SSC4D: variants seen among roughly 807,000 people sequenced by gnomAD.
SSC4D encodes the protein scavenger receptor cysteine rich family member with 4 domains, also known as scavenger receptor cysteine-rich domain-containing group B protein.
A neutral mutation model predicts 63.4 loss-of-function variants in SSC4D; 57 were observed. The ratio of observed to expected loss-of-function variants is 0.90; its 90% confidence interval spans 0.73 to 1.12. SSC4D has a LOEUF of 1.12. SSC4D is among the 50% of genes most tolerant of loss of function. The pLI, the probability that SSC4D is intolerant of heterozygous loss-of-function variation, is 0.00. For synonymous variants in SSC4D, 352 were observed against 345.4 expected, an observed-to-expected ratio of 1.02 and a Z score of -0.21; for missense variants, 791 against 806.4, an observed-to-expected ratio of 0.98 and a Z score of 0.23.
chr7:76,391,408 G>A (rs1804490990), intron 10 of SSC4D, among the ~76,000 whole-genome samples: 1 of 152,174 alleles, frequency 6.6e-6, no homozygotes, highest in South Asian at 2.1e-4. Flanking sequence ...CTGGGTGACA[G>A]AGCAAGACTC....
At position 76,400,567 on chromosome 7, in the gene SSC4D, C is replaced by T. The variant is rs1244716092; in HGVS notation, c.194G>A (p.Ser65Asn). ...FQELRLVGGPSRCRGRLEVMH... is the reference protein window; with the variant it reads ...FQELRLVGGPNRCRGRLEVMH... Reference sequence around the variant, plus strand: ...GACTTCCAGGCGGCCCCGGCAGCGGCTGGGGCCCCCCACCAGCCTCAGCTC... The same window carrying T: ...GACTTCCAGGCGGCCCCGGCAGCGGTTGGGGCCCCCCACCAGCCTCAGCTC... Residue 65 changes from serine (S) to asparagine (N), a missense_variant, in exon 4 of 11, where the codon AGC (serine) becomes AAC (asparagine). Physicochemically the swap from Ser to Asn is conservative, Grantham distance 46. Coordinates refer to ENST00000275560, the MANE Select transcript of SSC4D (RefSeq NM_080744.2). The T allele has an allele frequency of 2.7e-6, 4 of 1,488,590 alleles. No individual in the cohort carries two copies. The African/African-American group carries it at 5.7e-5, about 21-fold the overall frequency. 92.2% of individuals were successfully genotyped at this position (1,488,590 alleles called of 1,614,324 possible). A position where few individuals can be genotyped will look rare whatever the true frequency, so the allele number is the denominator to read the frequency against.
rs746785580 is a variant in SSC4D at position 76,397,553 on chromosome 7, C to T, written c.833G>A (p.Cys278Tyr). The part of the protein sequence containing the change: ...CQSLGWGVHN[C>Y]GHHEDAGALC... ...CGCGCCCGCGTCCTCGTGGTGGCCGCAGTTGTGCACACCCCAGCCCAGGCT... is the reference window on the plus strand; with the variant it reads ...CGCGCCCGCGTCCTCGTGGTGGCCGTAGTTGTGCACACCCCAGCCCAGGCT... The change falls in exon 6 of 11, where the codon TGC (cysteine) becomes TAC (tyrosine). Residue 278 changes from cysteine to tyrosine, a missense_variant. By Grantham distance (194) the Cys-to-Tyr change is radical. Transcript: ENST00000275560. 44 of 1,598,870 alleles carry T rather than the reference C, an allele frequency of 2.8e-5. No individual in the cohort carries two copies. In the East Asian group the frequency reaches 9.7e-4, roughly 35 times the overall value.
Position 76,392,041 on chromosome 7 carries a change from C to T in SSC4D, c.1334G>A (p.Gly445Asp), listed in dbSNP as rs1175248900. ...HHEDAGALCA[G>D]PEELGLQVQQ... ...GACTTGCAGTCCCAGCTCCTCTGGG[C>T]CTGGTTCAGGAAGGACAGAGATAAA... Residue 445 changes from glycine to aspartate, a missense_variant and splice_region_variant, in exon 10 of 11, where the codon GGC (glycine) becomes GAC (aspartate). Physicochemically the swap from Gly to Asp is moderately conservative, Grantham distance 94. Transcript: ENST00000275560. 1.3e-6 allele frequency: 2 copies of T among 1,568,818 alleles called. No homozygotes were observed.
At chr7:76,390,994 G>C (rs1804483629) in intron 10 of SSC4D, among the ~76,000 whole-genome samples, 1 of 152,100 alleles carries the variant, frequency 6.6e-6, no homozygotes, top group South Asian at 2.1e-4. Flanking sequence ...AATTAGCCGG[G>C]TGTGGTGGTG....
intron 1 of SSC4D, among the ~76,000 whole-genome samples, chr7:76,405,345 T>TCTTTCTTTCTTTC (rs1364831511): frequency 3.8e-5 from 4 of 105,174 alleles, no homozygotes; most frequent in African/African-American, 6.9e-5. Context: ...CTTTCTTTTT[T>TCTTTCTTTCTTTC]TTTTTTTTTT....
rs1804568942 is a variant in SSC4D at position 76,393,922 on chromosome 7, C to T, written c.947-18G>A. On this transcript the variant is annotated intron_variant, in intron 7 of 10. Coordinates refer to ENST00000275560, the MANE Select transcript of SSC4D (RefSeq NM_080744.2). ...TCCTGTAGCTGTGGAGACAGGGCAT[C>T]TAGGGCGTTCGAAGGGGACGAGGAG... The T allele has an allele frequency of 4.4e-6, 7 of 1,588,338 alleles. No homozygotes were observed. The highest frequency in any genetic ancestry group is 5.1e-6 in the Non-Finnish European group (6 of 1,166,024).
chr7:76,393,472 G>A lies in SSC4D; in HGVS notation c.1266C>T (p.Asp422=). Residue 422 remains aspartate, a synonymous_variant, in exon 9 of 11, where the codon GAC becomes GAT. Coordinates refer to ENST00000275560, the MANE Select transcript of SSC4D (RefSeq NM_080744.2). Reference sequence around the variant, plus strand: ...GCTGGCCCCAGCCCAGGTGGAAGCAGTCGCTCAGGCGAGCCTCGGTGCCGG... The same window carrying A: ...GCTGGCCCCAGCCCAGGTGGAAGCAATCGCTCAGGCGAGCCTCGGTGCCGG... ...GCAGTEARLS[D]CFHLGWGQHN... is the part of the protein sequence containing the mutation. 1.3e-6 allele frequency: 2 copies of A among 1,528,224 alleles called. No individual in the cohort carries two copies. The highest frequency in any genetic ancestry group is 1.7e-6 in the Non-Finnish European group (2 of 1,145,438). 94.7% of individuals were successfully genotyped at this position (1,528,224 alleles called of 1,614,324 possible). A position where few individuals can be genotyped will look rare whatever the true frequency, so the allele number is the denominator to read the frequency against.
intron 4 of SSC4D, among the ~76,000 whole-genome samples, chr7:76,399,105 T>C (rs976774770): frequency 2.0e-5 from 3 of 151,914 alleles, no homozygotes; most frequent in African/African-American, 7.3e-5. Flanking sequence ...TCCGCCTCCC[T>C]GGTTAAAGCA....
At chr7:76,404,583 G>A in intron 1 of SSC4D, 78 bp from the exon 2 acceptor site, 2 of 1,280,528 alleles carry the variant, frequency 1.6e-6, no homozygotes, top group East Asian at 2.3e-5. Flanking sequence ...CTTGCACCCA[G>A]GGGTTTGAGA....
chr7:76,404,475 A>C lies in SSC4D; in HGVS notation c.-36T>G. The C allele has an allele frequency of 6.2e-7, 1 of 1,613,670 alleles. No individual in the cohort carries two copies. Among genetic ancestry groups the C allele is most frequent in the Non-Finnish European group, 8.5e-7 (1 of 1,179,958 alleles). On this transcript the variant is annotated 5_prime_UTR_variant, in exon 2 of 11. Coordinates refer to ENST00000275560, the MANE Select transcript of SSC4D (RefSeq NM_080744.2). ...AAGGGTGTTTCAGATGCTCCCATCAAGGCGCCAGGGAGAAGTCACAGTTGG... is the reference window on the plus strand; with the variant it reads ...AAGGGTGTTTCAGATGCTCCCATCACGGCGCCAGGGAGAAGTCACAGTTGG...
At chr7:76,403,042 C>A (rs1804880127) in intron 2 of SSC4D, among the ~76,000 whole-genome samples, 2 of 152,164 alleles carry the variant, frequency 1.3e-5, no homozygotes, top group South Asian at 4.1e-4. Context: ...ACAGACAGGG[C>A]AACTTCAGGG....
At chr7:76,405,339 CTT>C (rs1193527373) in intron 1 of SSC4D, among the ~76,000 whole-genome samples, 16 of 21,386 alleles carry the variant, frequency 7.5e-4, no homozygotes, top group African/African-American at 2.3e-3. Flanking sequence ...TTCTTTCTTT[CTT>C]TTTTTTTTTT....
chr7:76,394,821 T>G (rs1162874597), intron 7 of SSC4D, among the ~76,000 whole-genome samples: 1 of 142,508 alleles, frequency 7.0e-6, no homozygotes, highest in Non-Finnish European at 1.5e-5. Flanking sequence ...ATGTGTATAA[T>G]ATATATGATA....
At chr7:76,401,070 GC>G in intron 2 of SSC4D, 27 bp from the exon 3 acceptor site, 2 of 1,527,528 alleles carry the variant, frequency 1.3e-6, no homozygotes, top group Non-Finnish European at 1.8e-6. Flanking sequence ...AAGAGCATTG[GC>G]CCCTCTGCCC....
intron 7 of SSC4D, among the ~76,000 whole-genome samples, chr7:76,394,863 TAAG>T (rs1804601430): frequency 7.6e-6 from 1 of 132,384 alleles, no homozygotes; most frequent in African/African-American, 3.6e-5. Context: ...ATAATATATA[TAAG>T]ATATTTATTT....
chr7:76,397,359 T>C (rs1368694212), intron 6 of SSC4D, among the ~76,000 whole-genome samples, 159 bp downstream of exon 6: 1 of 152,204 alleles, frequency 6.6e-6, no homozygotes, highest in African/African-American at 2.4e-5. Flanking sequence ...AGGACTGAGA[T>C]AGAAGTAATT....
chr7:76,408,112 G>GGGGAC (rs1805100519), intron 1 of SSC4D, among the ~76,000 whole-genome samples: 1 of 152,146 alleles, frequency 6.6e-6, no homozygotes, highest in Admixed American at 6.6e-5. Flanking sequence ...GGATGGTTCT[G>GGGGAC]TTTGGGCTAC....
At chr7:76,408,951 C>T (rs1419015094) in intron 1 of SSC4D, among the ~76,000 whole-genome samples, 3 of 152,212 alleles carry the variant, frequency 2.0e-5, no homozygotes, top group Non-Finnish European at 4.4e-5. Flanking sequence ...CTTGCAAAGC[C>T]TCACTGTTCT....
chr7:76,405,249 G>T (rs1421890690), intron 1 of SSC4D, among the ~76,000 whole-genome samples: 1 of 97,580 alleles, frequency 1.0e-5, no homozygotes, highest in Non-Finnish European at 2.1e-5. Context: ...GATTACAGGC[G>T]TGCATCACCA....
Sources: allele counts gnomAD v4.1 joint callset (sites outside exome capture counted in the v4.1 genomes callset), GRCh38; gene constraint gnomAD v4.1.1; transcripts MANE v1.5; gene names NCBI Gene and HGNC (gene_info 2026-07-23, HGNC 2026-07-21).